MAGI2: variants seen among roughly 807,000 people sequenced by gnomAD.
The protein encoded by MAGI2 is membrane associated guanylate kinase, WW and PDZ domain containing 2, also known as membrane-associated guanylate kinase, WW and PDZ domain-containing protein 2.
Under a neutral mutation model 133.3 loss-of-function variants are expected in MAGI2, and 35 were observed. The ratio of observed to expected loss-of-function variants is 0.26; its 90% confidence interval spans 0.20 to 0.35. The LOEUF is 0.35. Among genes scored for constraint, MAGI2 ranks in the 10% least tolerant of loss-of-function variants. The probability of loss-of-function intolerance (pLI) is 1.00; values close to 1 mark genes in which losing one functional copy is unlikely to be tolerated. For synonymous variants in MAGI2, 729 were observed against 710.6 expected, an observed-to-expected ratio of 1.03 and a Z score of -0.41; for missense variants, 1,636 against 1,863.4, an observed-to-expected ratio of 0.88 and a Z score of 2.25.
intron 7 of MAGI2, among the ~76,000 whole-genome samples, chr7:78,362,859 C>T (rs952538714): frequency 1.3e-5 from 2 of 152,108 alleles, no homozygotes; most frequent in Non-Finnish European, 2.9e-5. Flanking sequence ...TACTGAGAGG[C>T]TGTTTTTTTG....
chr7:79,391,844 C>A (rs1406239321), intron 1 of MAGI2, among the ~76,000 whole-genome samples: 1 of 151,850 alleles, frequency 6.6e-6, no homozygotes, highest in Admixed American at 6.6e-5. Context: ...CCACCACACC[C>A]GGCTAATTTT....
intron 2 of MAGI2, among the ~76,000 whole-genome samples, chr7:78,676,132 A>G (rs1814999268): frequency 6.6e-6 from 1 of 152,116 alleles, no homozygotes; most frequent in Non-Finnish European, 1.5e-5. Flanking sequence ...TAGAAAAGTA[A>G]TATTCTCACA....
intron 2 of MAGI2, among the ~76,000 whole-genome samples, chr7:78,725,075 A>G (rs1260532310): frequency 6.6e-6 from 1 of 152,252 alleles, no homozygotes. Flanking sequence ...TATTTTTTAC[A>G]TTAAAACAAC....
chr7:79,168,149 CG>C (rs934896628), intron 1 of MAGI2, among the ~76,000 whole-genome samples: 43 of 151,938 alleles, frequency 2.8e-4, no homozygotes, highest in African/African-American at 1.0e-3. Flanking sequence ...AATCTCTGTT[CG>C]GGGCTCTCAG....
At chr7:78,453,936 GGATACATGTGATATTTT>G (rs1789017885) in intron 6 of MAGI2, among the ~76,000 whole-genome samples, 3 of 151,922 alleles carry the variant, frequency 2.0e-5, no homozygotes, top group South Asian at 4.2e-4. Context: ...CATATTTTGG[GGATACATGTGATATTTT>G]GATACATGTA....
intron 20 of MAGI2, among the ~76,000 whole-genome samples, chr7:78,123,070 T>C (rs1015962254): frequency 4.6e-5 from 7 of 152,230 alleles, no homozygotes; most frequent in Non-Finnish European, 8.8e-5. Flanking sequence ...GTTTCTCTTA[T>C]GACACCAGCC....
At chr7:79,437,605 AT>A (rs1848237068) in intron 1 of MAGI2, among the ~76,000 whole-genome samples, 1 of 152,122 alleles carries the variant, frequency 6.6e-6, no homozygotes, top group Non-Finnish European at 1.5e-5. Context: ...TAGAGAAAAG[AT>A]TGTTTCAAAA....
intron 1 of MAGI2, among the ~76,000 whole-genome samples, chr7:79,159,517 CAA>C (rs57296916): frequency 0.011 from 1,213 of 107,350 alleles, 12 homozygotes; most frequent in African/African-American, 0.027. Context: ...GACTCAGTCT[CAA>C]AAAAAAAAAA....
chr7:78,049,629 G>A (rs753480933), intron 21 of MAGI2, among the ~76,000 whole-genome samples: 22 of 152,094 alleles, frequency 1.4e-4, no homozygotes, highest in Admixed American at 7.2e-4. Flanking sequence ...ACCCCTAACA[G>A]CCTTTAACAC....
chr7:79,270,427 ATTCCAGAGAATGGTACT>A (rs1208977428), intron 1 of MAGI2, among the ~76,000 whole-genome samples: 2 of 152,170 alleles, frequency 1.3e-5, no homozygotes, highest in African/African-American at 4.8e-5. Flanking sequence ...GAGAGAAGTC[ATTCCAGAGAATGGTACT>A]ATTGGCTAAG....
At chr7:78,208,638 T>C (rs917053196) in intron 10 of MAGI2, among the ~76,000 whole-genome samples, 1 of 151,374 alleles carries the variant, frequency 6.6e-6, no homozygotes, top group Non-Finnish European at 1.5e-5. Context: ...AATCAATACT[T>C]GCAAATGGAA....
At position 79,262,850 on chromosome 7, in the gene MAGI2, A is replaced by G. The variant is rs554815503; in HGVS notation, c.301+190170T>C. Among the ~76,000 whole-genome samples the G allele has an allele frequency of 3.3e-5, 5 of 152,362 alleles. No individual in the cohort carries two copies. In the East Asian group the frequency reaches 9.6e-4, roughly 29 times the overall value. On this transcript the variant is annotated intron_variant, in intron 1 of 21. Coordinates refer to ENST00000354212, the MANE Select transcript of MAGI2 (RefSeq NM_012301.4). ...AAATACTTTTATAAGCTAAAATGTC[A>G]TCACACTAACATGCTAGTATGTTTT...
intron 1 of MAGI2, among the ~76,000 whole-genome samples, chr7:79,061,192 G>T (rs1813693356): frequency 6.6e-6 from 1 of 151,876 alleles, no homozygotes; most frequent in African/African-American, 2.4e-5. Flanking sequence ...TCAGGAAGAT[G>T]TTCCTGAGCA....
At chr7:78,083,424 G>C (rs911244287) in intron 20 of MAGI2, among the ~76,000 whole-genome samples, 10 of 145,530 alleles carry the variant, frequency 6.9e-5, no homozygotes, top group African/African-American at 2.3e-4. Flanking sequence ...GAGAGAGAGA[G>C]AGAGAGACAG....
intron 9 of MAGI2, among the ~76,000 whole-genome samples, chr7:78,312,965 TA>T (rs778394764): frequency 1.2e-4 from 18 of 151,150 alleles, no homozygotes; most frequent in Non-Finnish European, 2.2e-4. Flanking sequence ...GATATATGTA[TA>T]TACACACACA....
At chr7:78,173,379 C>T (rs1009849577) in intron 14 of MAGI2, among the ~76,000 whole-genome samples, 23 of 152,188 alleles carry the variant, frequency 1.5e-4, no homozygotes, top group African/African-American at 5.5e-4. Flanking sequence ...CTATTCCCTC[C>T]CTGTGACTCA....
At chr7:78,958,963 T>C (rs1156852080) in intron 2 of MAGI2, among the ~76,000 whole-genome samples, 1 of 152,194 alleles carries the variant, frequency 6.6e-6, no homozygotes, top group Admixed American at 6.5e-5. Context: ...CTTTGTTGCA[T>C]GCTGAATGCC....
intron 1 of MAGI2, among the ~76,000 whole-genome samples, chr7:79,103,402 G>C (rs1475879496): frequency 1.3e-5 from 2 of 152,034 alleles, no homozygotes; most frequent in African/African-American, 4.8e-5. Context: ...GAGCTCTGGG[G>C]TGTACAGATG....
At chr7:78,548,294 C>G (rs1584585334) in intron 3 of MAGI2, among the ~76,000 whole-genome samples, 2 of 152,300 alleles carry the variant, frequency 1.3e-5, no homozygotes, top group East Asian at 3.9e-4. Flanking sequence ...GAGCAGAAAT[C>G]ATTGTTCTTT....
Sources: gnomAD v4.1 joint callset for allele counts (sites outside exome capture counted in the v4.1 genomes callset) on GRCh38, gnomAD v4.1.1 for gene constraint, MANE v1.5 for transcripts, NCBI Gene and HGNC (gene_info 2026-07-23, HGNC 2026-07-21) for gene names.